The following LPCAT2 variants were observed in gnomAD, a reference collection of about 807,000 sequenced individuals.
The protein encoded by LPCAT2 is 1-AGP acyltransferase 11.
A neutral mutation model predicts 64.7 loss-of-function variants in LPCAT2; 58 were observed. That is an observed-to-expected ratio of 0.90 (90% CI 0.73 to 1.12). LPCAT2 has a LOEUF of 1.12. Among genes scored for constraint, LPCAT2 ranks in the 50% most tolerant of loss-of-function variants. The pLI is 0.00. For synonymous variants in LPCAT2, 252 were observed against 245.3 expected, an observed-to-expected ratio of 1.03 and a Z score of -0.26; for missense variants, 579 against 669.8, an observed-to-expected ratio of 0.86 and a Z score of 1.50.
In LPCAT2 at chr16:55,584,003, A is replaced by G. The variant is rs560922092; in HGVS notation, c.*905A>G. On this transcript the variant is annotated 3_prime_UTR_variant, in exon 14 of 14. Coordinates refer to ENST00000262134, the MANE Select transcript of LPCAT2 (RefSeq NM_017839.5). The stretch of plus-strand genomic sequence containing the variant: ...CGGCCTATTGTAGATTTTCTTAACT[A>G]CTTGCTAAGGAAATCATATCCTTTT... The G allele has an allele frequency of 1.3e-5, 2 of 152,214 alleles. No individual in the cohort carries two copies. Among genetic ancestry groups the G allele is most frequent in the South Asian group, 2.1e-4 (1 of 4,824 alleles). 9.4% of individuals were successfully genotyped at this position (152,214 alleles called of 1,614,324 possible). A position where few individuals can be genotyped will look rare whatever the true frequency, so the allele number is the denominator to read the frequency against.
intron 11 of LPCAT2, among the ~76,000 whole-genome samples, chr16:55,573,632 T>C (rs1200386792): frequency 6.6e-6 from 1 of 152,150 alleles, no homozygotes; most frequent in Non-Finnish European, 1.5e-5. Context: ...AAAATTTTGC[T>C]GCCAAAATAA....
chr16:55,514,409 G>A (rs974129679), intron 1 of LPCAT2, among the ~76,000 whole-genome samples: 2 of 152,168 alleles, frequency 1.3e-5, no homozygotes, highest in Admixed American at 6.5e-5. Context: ...CCCTTTGCAA[G>A]GATCAGGAAA....
chr16:55,533,654 C>G (rs923037638), intron 6 of LPCAT2, among the ~76,000 whole-genome samples: 1 of 152,006 alleles, frequency 6.6e-6, no homozygotes, highest in African/African-American at 2.4e-5. Context: ...CTCAAGTAAT[C>G]CACCTGTCTT....
intron 1 of LPCAT2, among the ~76,000 whole-genome samples, chr16:55,511,623 T>C (rs1425183684): frequency 6.6e-6 from 1 of 152,184 alleles, no homozygotes. Flanking sequence ...CCAATGGAGA[T>C]GACATATTAC....
chr16:55,582,881 C>T (rs1963902066), intron 13 of LPCAT2, 33 bp from the exon 14 acceptor site: 1 of 1,455,406 alleles, frequency 6.9e-7, no homozygotes, highest in Non-Finnish European at 9.5e-7. Flanking sequence ...AGATTCACCC[C>T]AACTTATTGG....
chr16:55,514,552 TAAAC>T (rs1962980120), intron 1 of LPCAT2, among the ~76,000 whole-genome samples: 1 of 152,122 alleles, frequency 6.6e-6, no homozygotes, highest in Non-Finnish European at 1.5e-5. Flanking sequence ...TAAAAGACAC[TAAAC>T]AAACAAATAA....
At chr16:55,569,156 C>G (rs1274298692) in intron 11 of LPCAT2, among the ~76,000 whole-genome samples, 1 of 152,190 alleles carries the variant, frequency 6.6e-6, no homozygotes, top group African/African-American at 2.4e-5. Flanking sequence ...TGTTAGAAAT[C>G]CCCAGTGAAA....
chr16:55,573,838 T>G (rs1324033275), intron 11 of LPCAT2, among the ~76,000 whole-genome samples: 1 of 150,764 alleles, frequency 6.6e-6, no homozygotes, highest in African/African-American at 2.5e-5. Flanking sequence ...CTACCTTATC[T>G]CTCTCTCTCT....
At chr16:55,559,006 C>T (rs1031523304) in intron 11 of LPCAT2, among the ~76,000 whole-genome samples, 3 of 152,150 alleles carry the variant, frequency 2.0e-5, no homozygotes, top group African/African-American at 7.2e-5. Flanking sequence ...ATCTGTCTAG[C>T]TCTTGTTACT....
Position 55,528,538 on chromosome 16 carries a change from C to G in LPCAT2, c.473C>G (p.Ala158Gly), listed in dbSNP as rs770006529. 1 of 1,613,996 alleles carries G rather than the reference C, an allele frequency of 6.2e-7. No individual in the cohort carries two copies. The highest frequency in any genetic ancestry group is 1.1e-5 in the South Asian group (1 of 91,078). The change falls in exon 3 of 14, where the codon GCT (alanine) becomes GGT (glycine). Residue 158 changes from alanine (A) to glycine (G), a missense_variant. Transcript: ENST00000262134. ...TTTGATGGAATTGCCTGTGTTGTAGCTGGGTTACCTTCTATGGTATCTCGA... is the reference window on the plus strand; with the variant it reads ...TTTGATGGAATTGCCTGTGTTGTAGGTGGGTTACCTTCTATGGTATCTCGA... ...TFFDGIACVVAGLPSMVSRNE... is the reference protein window; with the variant it reads ...TFFDGIACVVGGLPSMVSRNE...
At position 55,531,963 on chromosome 16, in the gene LPCAT2, C is replaced by T; in HGVS notation, c.692C>T (p.Thr231Ile). The change falls in exon 5 of 14, where the codon ACT becomes ATT. Residue 231 changes from threonine to isoleucine, a missense_variant. Transcript: ENST00000262134. ...TGTACTAATCGTTCCTGTTTGATTA[C>T]TTTTAAACCAGGTGAGAAAAATTAA... ...GTCTNRSCLI[T>I]FKPGAFIPGV... is the part of the protein sequence containing the mutation. 6.3e-7 allele frequency: 1 copy of T among 1,585,542 alleles called. No individual in the cohort carries two copies. Among genetic ancestry groups the T allele is most frequent in the South Asian group, 1.1e-5 (1 of 90,076 alleles).
chr16:55,571,053 C>T (rs1404699343), intron 11 of LPCAT2, among the ~76,000 whole-genome samples: 1 of 152,140 alleles, frequency 6.6e-6, no homozygotes, highest in Admixed American at 6.5e-5. Flanking sequence ...TCAGTTATAA[C>T]ATCAGAAGGA....
At chr16:55,536,482 A>T (rs1199486612) in intron 7 of LPCAT2, among the ~76,000 whole-genome samples, 1 of 152,178 alleles carries the variant, frequency 6.6e-6, no homozygotes, top group African/African-American at 2.4e-5. Context: ...GTTTATAGAT[A>T]GTAAAAGATT....
At chr16:55,560,393 G>T (rs1333340151) in intron 11 of LPCAT2, among the ~76,000 whole-genome samples, 1 of 152,058 alleles carries the variant, frequency 6.6e-6, no homozygotes, top group Non-Finnish European at 1.5e-5. Flanking sequence ...TCTAGACGAG[G>T]TTCAGTTCCC....
chr16:55,528,077 A>T (rs993782536), intron 2 of LPCAT2, among the ~76,000 whole-genome samples: 4 of 152,170 alleles, frequency 2.6e-5, no homozygotes, highest in Admixed American at 1.3e-4. Context: ...CCCTTGGGTG[A>T]ATTAACTTCT....
chr16:55,576,590 C>T (rs1417160958), intron 12 of LPCAT2, among the ~76,000 whole-genome samples: 1 of 152,206 alleles, frequency 6.6e-6, no homozygotes. Flanking sequence ...TTAAAATGAG[C>T]AAACTCCAAC....
intron 13 of LPCAT2, among the ~76,000 whole-genome samples, chr16:55,580,878 C>T (rs1032610327): frequency 6.6e-6 from 1 of 152,142 alleles, no homozygotes; most frequent in Admixed American, 6.5e-5. Context: ...ATCTAGGTTG[C>T]ACGTTCCTTA....
At chr16:55,570,563 G>A (rs527388636) in intron 11 of LPCAT2, among the ~76,000 whole-genome samples, 1 of 151,952 alleles carries the variant, frequency 6.6e-6, no homozygotes, top group Middle Eastern at 3.2e-3. Context: ...GAGCCCGGGG[G>A]GTCCAGCCTG....
intron 3 of LPCAT2, among the ~76,000 whole-genome samples, chr16:55,529,599 A>C (rs576237577): frequency 6.6e-6 from 1 of 152,142 alleles, no homozygotes; most frequent in Non-Finnish European, 1.5e-5. Context: ...AGAAAATTAC[A>C]TTTGCTTCCT....
Sources: gnomAD v4.1 joint callset for allele counts (sites outside exome capture counted in the v4.1 genomes callset) on GRCh38, gnomAD v4.1.1 for gene constraint, MANE v1.5 for transcripts, NCBI Gene and HGNC (gene_info 2026-07-23, HGNC 2026-07-21) for gene names.